The following PCDHGA3 variants were observed in gnomAD, a reference collection of about 807,000 sequenced individuals.
PCDHGA3 encodes the protein protocadherin gamma-A3.
PCDHGA3 carries 40 observed loss-of-function variants against 58.5 expected under a neutral mutation model. The ratio of observed to expected loss-of-function variants is 0.68; its 90% CI spans 0.53 to 0.89. The LOEUF (loss-of-function observed/expected upper bound fraction) is 0.89. Ranked by LOEUF, PCDHGA3 falls within the 40% of genes least tolerant of loss-of-function variation. The pLI is 0.00. For missense variants in PCDHGA3, 1,223 were observed against 1,195.9 expected, an observed-to-expected ratio of 1.02 and a Z score of -0.33; for synonymous variants, 530 against 525.7, an observed-to-expected ratio of 1.01 and a Z score of -0.11.
intron 1 of PCDHGA3, chr5:141,364,395 C>T (rs1330798978): frequency 1.9e-6 from 3 of 1,603,432 alleles, no homozygotes; most frequent in Admixed American, 1.7e-5. Flanking sequence ...CTCCTGGGGA[C>T]GCTGTGCGAG....
At chr5:141,459,490 T>C (rs2098968649) in intron 1 of PCDHGA3, among the ~76,000 whole-genome samples, 1 of 152,236 alleles carries the variant, frequency 6.6e-6, no homozygotes, top group Non-Finnish European at 1.5e-5. Context: ...TATTCTGAAT[T>C]AAAGTGATGT....
In PCDHGA3 at chr5:141,427,541, C is replaced by G. The variant is rs541988301; in HGVS notation, c.2425-67266C>G. ...AGCGGATCCCGGAGTACAACGTCACCATCACTGCCACTGACAAGGGCAAGC... is the reference window on the plus strand; with the variant it reads ...AGCGGATCCCGGAGTACAACGTCACGATCACTGCCACTGACAAGGGCAAGC... On this transcript the variant is annotated intron_variant, in intron 1 of 3. Coordinates refer to ENST00000253812, the MANE Select transcript of PCDHGA3 (RefSeq NM_018916.4). 3.1e-5 allele frequency: 20 copies of G among 635,320 alleles called. No individual in the cohort carries two copies. The African/African-American group carries it at 3.6e-4, about 11-fold the overall frequency. The allele number at this position is 635,320 out of a possible 1,614,324, so 39.4% of individuals were successfully genotyped here.
rs143779180 is a variant in PCDHGA3 at position 141,485,438 on chromosome 5, C to A, written c.2425-9369C>A. The A allele has an allele frequency of 9.9e-6, 16 of 1,614,170 alleles. No individual in the cohort carries two copies. The African/African-American group carries it at 1.3e-4, about 13-fold the overall frequency. Reference sequence around the variant, plus strand: ...CAGCGGAGCCCTGCTCATCAAGAACCCAATCGACCGAGAGGCACTGTGTGG... The same window carrying A: ...CAGCGGAGCCCTGCTCATCAAGAACACAATCGACCGAGAGGCACTGTGTGG... On this transcript the variant is annotated intron_variant, in intron 1 of 3. Coordinates refer to ENST00000253812, the MANE Select transcript of PCDHGA3 (RefSeq NM_018916.4). The surrounding 1 kb of genome is among the most constrained non-coding windows in gnomAD (Gnocchi z 5.7).
intron 1 of PCDHGA3, chr5:141,399,413 C>T (rs1456440098): frequency 2.5e-5 from 41 of 1,613,930 alleles, no homozygotes; most frequent in Non-Finnish European, 3.2e-5. Context: ...CCGCCCCTCT[C>T]CTCCAGCATA....
In PCDHGA3 at chr5:141,374,330, A is replaced by G. The variant is rs774789215; in HGVS notation, c.2424+27873A>G. Reference sequence around the variant, plus strand: ...TTTCTCTCTGAATCCGCGAAACGGCAGCTTGGTCACCGCGGGTAGGATAGA... The same window carrying G: ...TTTCTCTCTGAATCCGCGAAACGGCGGCTTGGTCACCGCGGGTAGGATAGA... On this transcript the variant is annotated intron_variant, in intron 1 of 3. Coordinates refer to ENST00000253812, the MANE Select transcript of PCDHGA3 (RefSeq NM_018916.4). 138 of 1,613,872 alleles carry G rather than the reference A, an allele frequency of 8.6e-5. No homozygotes were observed. Among genetic ancestry groups the G allele is most frequent in the Non-Finnish European group, 1.1e-4 (130 of 1,179,866 alleles).
intron 1 of PCDHGA3, chr5:141,387,894 G>C: frequency 1.9e-6 from 3 of 1,540,604 alleles, no homozygotes; most frequent in Non-Finnish European, 8.7e-7. Context: ...GATGGGGAGC[G>C]GCGCCGGGGA....
At chr5:141,471,942 A>G (rs1163887457) in intron 1 of PCDHGA3, among the ~76,000 whole-genome samples, 1 of 152,192 alleles carries the variant, frequency 6.6e-6, no homozygotes, top group Non-Finnish European at 1.5e-5. Flanking sequence ...AGAGTTTTCT[A>G]AAACTGGATT....
intron 1 of PCDHGA3, chr5:141,400,051 G>A (rs1253013919): frequency 6.2e-7 from 1 of 1,613,762 alleles, no homozygotes; most frequent in East Asian, 2.2e-5. Flanking sequence ...GCTGGTTGCT[G>A]TGCGTGATGG....
chr5:141,361,472 AC>A, intron 1 of PCDHGA3: 1 of 1,614,024 alleles, frequency 6.2e-7, no homozygotes, highest in Admixed American at 1.7e-5. Flanking sequence ...TCCGACGTCA[AC>A]GATAATGCCC....
intron 1 of PCDHGA3, chr5:141,355,662 TC>T: frequency 6.2e-7 from 1 of 1,613,996 alleles, no homozygotes; most frequent in Non-Finnish European, 8.5e-7. Context: ...GATTTCCTCT[TC>T]CTGAAGCTTT....
At chr5:141,488,083 C>T (rs917074240) in intron 1 of PCDHGA3, among the ~76,000 whole-genome samples, 1 of 152,152 alleles carries the variant, frequency 6.6e-6, no homozygotes, top group African/African-American at 2.4e-5. Context: ...GTATCTAGTA[C>T]ACTGTGAAGG....
intron 2 of PCDHGA3, among the ~76,000 whole-genome samples, chr5:141,500,453 C>T (rs1403599390): frequency 6.6e-6 from 1 of 152,130 alleles, no homozygotes; most frequent in South Asian, 2.1e-4. Context: ...TCGTGATCCG[C>T]CCGCCTCGGC....
At chr5:141,466,965 C>A (rs1345790988) in intron 1 of PCDHGA3, among the ~76,000 whole-genome samples, 1 of 152,016 alleles carries the variant, frequency 6.6e-6, no homozygotes, top group East Asian at 1.9e-4. Context: ...CAAATATTTT[C>A]TCACAGCTCA....
intron 1 of PCDHGA3, among the ~76,000 whole-genome samples, chr5:141,474,922 C>G (rs748864870): frequency 3.9e-5 from 6 of 152,238 alleles, no homozygotes; most frequent in Non-Finnish European, 8.8e-5. Flanking sequence ...CATCTCATCT[C>G]TGGCTTATAT....
intron 1 of PCDHGA3, chr5:141,365,773 C>T: frequency 1.2e-6 from 2 of 1,613,862 alleles, no homozygotes; most frequent in African/African-American, 1.3e-5. Flanking sequence ...ACCCCGACAG[C>T]GGCGACAACG....
intron 1 of PCDHGA3, chr5:141,371,977 T>C (rs1768257593): frequency 1.2e-6 from 2 of 1,613,238 alleles, no homozygotes; most frequent in Non-Finnish European, 1.7e-6. Context: ...CTGCGTGCCT[T>C]CGAGCTCACT....
At chr5:141,402,737 G>C (rs948478466) in intron 1 of PCDHGA3, among the ~76,000 whole-genome samples, 7 of 152,158 alleles carry the variant, frequency 4.6e-5, no homozygotes, top group African/African-American at 1.4e-4. Flanking sequence ...CGCCGCTGTT[G>C]ATCAACTCTA....
At chr5:141,478,694 T>A (rs2099472305) in intron 1 of PCDHGA3, 1 of 1,550,598 alleles carries the variant, frequency 6.4e-7, no homozygotes, top group Admixed American at 2.0e-5. Flanking sequence ...TAGATCAAAG[T>A]TAGTGCCTTT....
In PCDHGA3 at chr5:141,435,388, G is replaced by T. The variant is rs186494703; in HGVS notation, c.2425-59419G>T. Among the ~76,000 whole-genome samples, 241 of 152,094 alleles carry T rather than the reference G, an allele frequency of 1.6e-3. 5 individuals carry two copies. Among genetic ancestry groups the T allele is most frequent in the Non-Finnish European group, 2.1e-4 (14 of 67,992 alleles). The stretch of plus-strand genomic sequence containing the variant: ...ACTTAAATATACAATATACCGTATT[G>T]CCATGACGAAAAATGGTAAAGACTA... On this transcript the variant is annotated intron_variant, in intron 1 of 3. Transcript: ENST00000253812.
Sources: gnomAD v4.1 joint callset for allele counts (sites outside exome capture counted in the v4.1 genomes callset) on GRCh38, gnomAD v4.1.1 for gene constraint, Gnocchi (gnomAD v3.1) non-coding constraint, MANE v1.5 for transcripts, NCBI Gene and HGNC (gene_info 2026-07-23, HGNC 2026-07-21) for gene names.